Variants in LRRTM4 observed in about 807,000 individuals in gnomAD.
LRRTM4 encodes leucine-rich repeat transmembrane neuronal protein 4.
LRRTM4 carries 25 observed loss-of-function variants against 47.6 expected under a neutral mutation model. That is an observed-to-expected ratio of 0.53 (90% CI 0.38 to 0.73). The LOEUF is 0.73. LRRTM4 is among the 30% of genes least tolerant of loss of function. The pLI, the probability that LRRTM4 is intolerant of heterozygous loss-of-function variation, is 0.00. For missense variants in LRRTM4, 638 were observed against 713.4 expected, an observed-to-expected ratio of 0.89 and a Z score of 1.20; for synonymous variants, 311 against 269.5, an observed-to-expected ratio of 1.15 and a Z score of -1.51.
chr2:76,933,228 A>T (rs1291610556), intron 3 of LRRTM4, among the ~76,000 whole-genome samples: 2 of 152,108 alleles, frequency 1.3e-5, no homozygotes, highest in Non-Finnish European at 2.9e-5. Context: ...ATCAATGAAA[A>T]TTGTTTCTAA....
chr2:76,863,440 A>G (rs1187918148), intron 3 of LRRTM4, among the ~76,000 whole-genome samples: 4 of 152,186 alleles, frequency 2.6e-5, no homozygotes, highest in Admixed American at 2.6e-4. Flanking sequence ...GTATTTGAGT[A>G]AAGAAGCTTA....
At chr2:77,410,783 T>C (rs1449858746) in intron 3 of LRRTM4, among the ~76,000 whole-genome samples, 1 of 152,174 alleles carries the variant, frequency 6.6e-6, no homozygotes, top group African/African-American at 2.4e-5. Context: ...GCTCTAAAAC[T>C]GACTGAGCAC....
intron 3 of LRRTM4, among the ~76,000 whole-genome samples, chr2:77,407,271 C>T (rs1356850773): frequency 2.6e-5 from 4 of 151,904 alleles, no homozygotes; most frequent in African/African-American, 4.8e-5. Flanking sequence ...GAAAACAAAA[C>T]TTATATAATC....
chr2:76,991,219 C>T (rs1676996473), intron 3 of LRRTM4, among the ~76,000 whole-genome samples: 1 of 151,552 alleles, frequency 6.6e-6, no homozygotes, highest in Non-Finnish European at 1.5e-5. Flanking sequence ...AATGATCTAA[C>T]ATTACACCTA....
At chr2:77,305,702 C>T (rs1677251825) in intron 3 of LRRTM4, among the ~76,000 whole-genome samples, 2 of 151,316 alleles carry the variant, frequency 1.3e-5, no homozygotes, top group East Asian at 3.9e-4. Flanking sequence ...GGCAAGATGA[C>T]TTTTTGATAT....
At chr2:76,749,910 G>T (rs1398010635) in intron 3 of LRRTM4, among the ~76,000 whole-genome samples, 1 of 152,190 alleles carries the variant, frequency 6.6e-6, no homozygotes, top group African/African-American at 2.4e-5. Flanking sequence ...AGGCTCCATT[G>T]CCCTGTAAGG....
At chr2:77,219,187 C>T (rs1387784781) in intron 3 of LRRTM4, among the ~76,000 whole-genome samples, 2 of 152,278 alleles carry the variant, frequency 1.3e-5, no homozygotes, top group African/African-American at 4.8e-5. Context: ...AGGGGGAGAG[C>T]TTCAACTATA....
At position 76,789,322 on chromosome 2, in the gene LRRTM4, A is replaced by C. The variant is rs183464914; in HGVS notation, c.1552-40406T>G. ...GTGATATTTACCTTCAGAATTCTCC[A>C]CTTCCATGTTCCATACCACTGCTGT... On this transcript the variant is annotated intron_variant, in intron 3 of 3. Transcript: ENST00000409884. 8.2e-4 allele frequency among the ~76,000 whole-genome samples: 125 copies of C among 152,302 alleles called. 3 individuals carry two copies. The Middle Eastern group carries it at 0.017, about 21-fold the overall frequency.
intron 3 of LRRTM4, among the ~76,000 whole-genome samples, chr2:77,335,041 T>C (rs1260582037): frequency 6.6e-6 from 1 of 152,192 alleles, no homozygotes; most frequent in East Asian, 1.9e-4. Context: ...TCCTTTTCCT[T>C]TCTCATTTTA....
chr2:76,751,002 A>ATAGAG (rs144641346), intron 3 of LRRTM4, among the ~76,000 whole-genome samples: 10,590 of 152,224 alleles, frequency 0.07, 723 homozygotes, highest in East Asian at 0.3. Flanking sequence ...GTATCAGAGT[A>ATAGAG]TAAAGATAAG....
chr2:77,098,324 A>C (rs555509864), intron 3 of LRRTM4, among the ~76,000 whole-genome samples: 41 of 152,162 alleles, frequency 2.7e-4, no homozygotes, highest in Non-Finnish European at 5.3e-4. Flanking sequence ...GTCCAAGGGA[A>C]GGTAACTGAT....
chr2:77,000,636 G>T (rs1677385902), intron 3 of LRRTM4, among the ~76,000 whole-genome samples: 1 of 152,142 alleles, frequency 6.6e-6, no homozygotes, highest in Non-Finnish European at 1.5e-5. Context: ...CTTTCAGTTT[G>T]TTGTTTGTGG....
chr2:77,072,564 G>A (rs918850436), intron 3 of LRRTM4, among the ~76,000 whole-genome samples: 1 of 152,008 alleles, frequency 6.6e-6, no homozygotes, highest in Non-Finnish European at 1.5e-5. Flanking sequence ...TAGGGAGACT[G>A]AGGAGGGCAG....
chr2:76,785,074 A>C (rs1485377892), intron 3 of LRRTM4, among the ~76,000 whole-genome samples: 1 of 152,094 alleles, frequency 6.6e-6, no homozygotes, highest in Non-Finnish European at 1.5e-5. Context: ...AGTCTGCAAT[A>C]AACTATTAAG....
intron 3 of LRRTM4, among the ~76,000 whole-genome samples, chr2:76,790,280 T>C (rs185294123): frequency 3.9e-5 from 6 of 152,272 alleles, no homozygotes; most frequent in South Asian, 2.1e-4. Context: ...TATGGGGATA[T>C]GGTGCAGGAT....
At chr2:77,196,276 ATATC>A (rs1673824834) in intron 3 of LRRTM4, among the ~76,000 whole-genome samples, 1 of 152,196 alleles carries the variant, frequency 6.6e-6, no homozygotes, top group Admixed American at 6.6e-5. Context: ...GGTAATAGGC[ATATC>A]TATCTATTCT....
intron 3 of LRRTM4, among the ~76,000 whole-genome samples, chr2:76,965,998 C>T (rs945406274): frequency 6.6e-6 from 1 of 151,362 alleles, no homozygotes; most frequent in Non-Finnish European, 1.5e-5. Flanking sequence ...AGAGATTTCC[C>T]AACATCTACT....
intron 3 of LRRTM4, among the ~76,000 whole-genome samples, chr2:77,124,538 A>G (rs1487325968): frequency 6.6e-6 from 1 of 152,168 alleles, no homozygotes; most frequent in African/African-American, 2.4e-5. Context: ...GAAAGTTTTC[A>G]ACAAGGTAAG....
At chr2:76,952,739 T>C (rs915857335) in intron 3 of LRRTM4, among the ~76,000 whole-genome samples, 2 of 151,896 alleles carry the variant, frequency 1.3e-5, no homozygotes, top group Non-Finnish European at 2.9e-5. Flanking sequence ...ACAAATGCAC[T>C]TGTATGTTCA....
Sources: allele counts gnomAD v4.1 joint callset (sites outside exome capture counted in the v4.1 genomes callset), GRCh38; gene constraint gnomAD v4.1.1; transcripts MANE v1.5; gene names NCBI Gene and HGNC (gene_info 2026-07-23, HGNC 2026-07-21).